Variants in LRMDA observed in about 807,000 individuals in gnomAD.
LRMDA encodes the protein leucine rich melanocyte differentiation associated.
LRMDA carries 18 observed loss-of-function variants against 29.8 expected under a neutral mutation model. That is an observed-to-expected ratio of 0.60 (90% CI 0.42 to 0.90). LRMDA has a LOEUF of 0.90. Ranked by LOEUF, LRMDA falls within the 40% of genes least tolerant of loss-of-function variation. The probability of loss-of-function intolerance (pLI) is 0.00; values close to 1 mark genes in which losing one functional copy is unlikely to be tolerated. For synonymous variants in LRMDA, 125 were observed against 109.4 expected, an observed-to-expected ratio of 1.14 and a Z score of -0.89; for missense variants, 273 against 273.9, an observed-to-expected ratio of 1.00 and a Z score of 0.02.
chr10:76,087,379 C>T (rs907337946), intron 5 of LRMDA, among the ~76,000 whole-genome samples: 3 of 152,144 alleles, frequency 2.0e-5, no homozygotes, highest in Non-Finnish European at 4.4e-5. Context: ...CTCTGAGGTT[C>T]CTAGAAGCCC....
At chr10:76,077,092 G>A (rs2132075301) in intron 5 of LRMDA, among the ~76,000 whole-genome samples, 1 of 152,222 alleles carries the variant, frequency 6.6e-6, no homozygotes, top group Non-Finnish European at 1.5e-5. Flanking sequence ...TATATACATG[G>A]CAGAAGATGC....
At chr10:76,050,908 G>T (rs987780588) in intron 4 of LRMDA, among the ~76,000 whole-genome samples, 2 of 152,186 alleles carry the variant, frequency 1.3e-5, no homozygotes, top group African/African-American at 2.4e-5. Flanking sequence ...TGGTCTTTTA[G>T]CTCTTCCTCT....
At chr10:76,444,576 C>T (rs1842334763) in intron 6 of LRMDA, among the ~76,000 whole-genome samples, 1 of 152,224 alleles carries the variant, frequency 6.6e-6, no homozygotes, top group African/African-American at 2.4e-5. Flanking sequence ...CTCTCTGGTA[C>T]TCCAAGTCCC....
intron 2 of LRMDA, among the ~76,000 whole-genome samples, chr10:75,908,902 A>T (rs1405012112): frequency 6.6e-6 from 1 of 152,180 alleles, no homozygotes; most frequent in South Asian, 2.1e-4. Flanking sequence ...TCAAGTACTG[A>T]ATATCTGATT....
chr10:75,716,709 C>T (rs1842505118), intron 2 of LRMDA, among the ~76,000 whole-genome samples: 1 of 152,180 alleles, frequency 6.6e-6, no homozygotes, highest in African/African-American at 2.4e-5. Context: ...CTGCCTCCTT[C>T]TCATGTGTCT....
intron 2 of LRMDA, among the ~76,000 whole-genome samples, chr10:75,985,767 G>C (rs1160758306): frequency 2.0e-5 from 3 of 152,158 alleles, no homozygotes; most frequent in Non-Finnish European, 4.4e-5. Flanking sequence ...GGCACATCAG[G>C]GTACTTGTAC....
In LRMDA at chr10:75,538,115, A is replaced by G. The variant is rs146389625; in HGVS notation, c.131+99621A>G. On this transcript the variant is annotated intron_variant, in intron 2 of 6. Coordinates refer to ENST00000611255, the MANE Select transcript of LRMDA (RefSeq NM_001305581.2). ...CTGGAGAGAATTTTGAGGTCTGAGGACACAGTTGCAAATGAAACCTGAAGC... is the reference window on the plus strand; with the variant it reads ...CTGGAGAGAATTTTGAGGTCTGAGGGCACAGTTGCAAATGAAACCTGAAGC... Among the ~76,000 whole-genome samples the G allele has an allele frequency of 1.7e-3, 255 of 152,290 alleles. 2 individuals carry two copies. Among genetic ancestry groups the G allele is most frequent in the Middle Eastern group, 0.01 (3 of 294 alleles).
intron 2 of LRMDA, among the ~76,000 whole-genome samples, chr10:75,856,892 G>A (rs1032416087): frequency 5.9e-5 from 9 of 152,144 alleles, no homozygotes; most frequent in Non-Finnish European, 1.2e-4. Context: ...AAGTCAAATT[G>A]TCCCTGTTTG....
intron 3 of LRMDA, 151 bp from the exon 4 acceptor site, chr10:76,047,013 G>A: frequency 1.3e-6 from 1 of 796,308 alleles, no homozygotes; most frequent in Non-Finnish European, 2.0e-6. Context: ...TGAAAAAGTA[G>A]CAATACCGTA....
chr10:76,231,668 T>C (rs1043168095), intron 5 of LRMDA, among the ~76,000 whole-genome samples: 6 of 152,228 alleles, frequency 3.9e-5, no homozygotes, highest in African/African-American at 9.6e-5. Flanking sequence ...CAGAAGTTTA[T>C]GCAAAGTAAT....
At chr10:76,253,857 A>G (rs748866371) in intron 5 of LRMDA, among the ~76,000 whole-genome samples, 7 of 152,098 alleles carry the variant, frequency 4.6e-5, no homozygotes, top group Non-Finnish European at 1.0e-4. Flanking sequence ...CCTATGTCTC[A>G]TAAGCTCTCT....
At chr10:76,383,959 ATT>A (rs948612706) in intron 6 of LRMDA, among the ~76,000 whole-genome samples, 1 of 147,504 alleles carries the variant, frequency 6.8e-6, no homozygotes, top group African/African-American at 2.5e-5. Flanking sequence ...GATACCTGCC[ATT>A]TTTTTTTCTC....
rs1223177792 is a variant in LRMDA, at chr10:76,161,937, A to T, written c.516+103154A>T. 2.6e-5 allele frequency among the ~76,000 whole-genome samples: 4 copies of T among 152,196 alleles called. No individual in the cohort carries two copies. In the South Asian group the frequency reaches 8.3e-4, roughly 31 times the overall value. On this transcript the variant is annotated intron_variant, in intron 5 of 6. Transcript: ENST00000611255. ...GCTTTAGCTCACATTTCATAGAGCA[A>T]ACTTTTTTAGGGTATAAAATAATAT...
In LRMDA at chr10:76,499,717, G is replaced by A. The variant is rs1255065837; in HGVS notation, c.602-57492G>A. 2.7e-5 allele frequency among the ~76,000 whole-genome samples: 2 copies of A among 74,274 alleles called. 1 individual carries two copies. Among genetic ancestry groups the A allele is most frequent in the African/African-American group, 6.5e-5 (2 of 30,582 alleles). The allele number at this position is 74,274 out of a possible 152,430, so 48.7% of individuals were successfully genotyped here. On this transcript the variant is annotated intron_variant, in intron 6 of 6. Transcript: ENST00000611255. ...AGACCTTATTCAAATTTCTCCCTCT[G>A]TTGTACTAACATTCTTTTTCTAGCA...
Position 75,761,807 on chromosome 10 carries a change from T to G in LRMDA, c.132-274201T>G, listed in dbSNP as rs200566699. Reference sequence around the variant, plus strand: ...TGGTATACTTTTGTTTTTTTTTTTTTGTTTTTTTTTTTTTGAGACAGGGTC... The same window carrying G: ...TGGTATACTTTTGTTTTTTTTTTTTGGTTTTTTTTTTTTTGAGACAGGGTC... On this transcript the variant is annotated intron_variant, in intron 2 of 6. Transcript: ENST00000611255. Among the ~76,000 whole-genome samples the G allele has an allele frequency of 4.4e-4, 64 of 146,960 alleles. No homozygotes were observed. In the East Asian group the frequency reaches 0.01, roughly 24 times the overall value.
At chr10:75,546,127 G>A (rs1262434794) in intron 2 of LRMDA, among the ~76,000 whole-genome samples, 5 of 152,164 alleles carry the variant, frequency 3.3e-5, no homozygotes, top group Non-Finnish European at 7.4e-5. Context: ...GACACCCAGA[G>A]GAGGAATGAG....
At chr10:75,852,132 G>A (rs1421217556) in intron 2 of LRMDA, among the ~76,000 whole-genome samples, 5 of 152,152 alleles carry the variant, frequency 3.3e-5, no homozygotes, top group Admixed American at 3.3e-4. Flanking sequence ...CCAAAAAAAG[G>A]CTGGCAGTAG....
At chr10:76,267,436 T>TA (rs925880263) in intron 5 of LRMDA, among the ~76,000 whole-genome samples, 1 of 152,166 alleles carries the variant, frequency 6.6e-6, no homozygotes, top group Non-Finnish European at 1.5e-5. Context: ...AACCCTTTTT[T>TA]ATCACTCCAG....
intron 1 of LRMDA, among the ~76,000 whole-genome samples, chr10:75,433,671 T>C (rs1844232045): frequency 6.6e-6 from 1 of 152,154 alleles, no homozygotes; most frequent in South Asian, 2.1e-4. Flanking sequence ...CTTTAGTAGA[T>C]CCTTCTTAAA....
Sources: gnomAD v4.1 joint callset for allele counts (sites outside exome capture counted in the v4.1 genomes callset) on GRCh38, gnomAD v4.1.1 for gene constraint, MANE v1.5 for transcripts, NCBI Gene and HGNC (gene_info 2026-07-23, HGNC 2026-07-21) for gene names.